LARP1: variants seen among roughly 807,000 people sequenced by gnomAD.
LARP1 encodes the protein La ribonucleoprotein 1, translational regulator, also known as la-related protein 1.
Under a neutral mutation model 122.7 loss-of-function variants are expected in LARP1, and 36 were observed. That is an observed-to-expected ratio of 0.29 (90% confidence interval 0.22 to 0.39). LARP1 has a LOEUF of 0.39. Among genes scored for constraint, LARP1 ranks in the 10% least tolerant of loss-of-function variants. The probability of loss-of-function intolerance (pLI) is 1.00; values close to 1 mark genes in which losing one functional copy is unlikely to be tolerated. For missense variants in LARP1, 1,040 were observed against 1,403.6 expected (o/e 0.74, Z 4.14); for synonymous variants, 539 against 528.7 (o/e 1.02, Z -0.27).
upstream of LARP1, among the ~76,000 whole-genome samples, chr5:154,753,788 C>A (rs1227775241): frequency 6.6e-6 from 1 of 152,178 alleles, no homozygotes; most frequent in Non-Finnish European, 1.5e-5. Flanking sequence ...CCTGGCTATC[C>A]CTACCAGTAC....
rs771159210 is a variant in LARP1 at position 154,802,330 on chromosome 5, T to C, written c.2040T>C (p.Asn680=). ...KMSAELAKVI[N]DGLFYYEQDL... is the part of the protein sequence containing the mutation. ...GCGCCGAACTGGCCAAGGTCATTAA[T>C]GATGGCCTCTTCTACTATGAGCAGG... Residue 680 remains asparagine (N), a synonymous_variant, in exon 11 of 19, where the codon AAT becomes AAC. Transcript: ENST00000518297. This position sits in a 1 kb window ranked among gnomAD's most constrained non-coding sequence, Gnocchi z 5.1. 6.2e-7 allele frequency: 1 copy of C among 1,614,134 alleles called. No individual in the cohort carries two copies. The highest frequency in any genetic ancestry group is 1.1e-5 in the South Asian group (1 of 91,070).
upstream of LARP1, among the ~76,000 whole-genome samples, chr5:154,708,553 G>A (rs1208193324): frequency 6.6e-6 from 1 of 152,192 alleles, no homozygotes; most frequent in Non-Finnish European, 1.5e-5. Context: ...ACAGATGTGA[G>A]TTAAGGGCAT....
chr5:154,758,596 T>G (rs1484056632), intron 1 of LARP1, among the ~76,000 whole-genome samples: 3 of 152,188 alleles, frequency 2.0e-5, no homozygotes, highest in Admixed American at 6.5e-5. Flanking sequence ...CTGGTTTTAT[T>G]TACAGCTTCG....
intron 8 of LARP1, among the ~76,000 whole-genome samples, chr5:154,795,920 ATTTATATT>A (rs1258684395): frequency 2.9e-5 from 3 of 104,670 alleles, no homozygotes; most frequent in Non-Finnish European, 3.7e-5. Context: ...TTTATTATAT[ATTTATATT>A]TATATATTAT....
chr5:154,779,668 C>A (rs1199481153), intron 1 of LARP1, among the ~76,000 whole-genome samples: 1 of 152,126 alleles, frequency 6.6e-6, no homozygotes, highest in Non-Finnish European at 1.5e-5. Context: ...GCCACCACAC[C>A]TGGCTAATTT....
In LARP1 at chr5:154,779,697, G is replaced by A. The variant is rs556135331; in HGVS notation, c.437-10628G>A. 3.3e-5 allele frequency among the ~76,000 whole-genome samples: 5 copies of A among 152,012 alleles called. No homozygotes were observed. In the East Asian group the frequency reaches 9.7e-4, roughly 29 times the overall value. ...CTAATTTTGTATTTTTAGTAGAGAC[G>A]GGGTTTCTCCATGTTGGTCAGTCTG... On this transcript the variant is annotated intron_variant, in intron 1 of 18. Transcript: ENST00000518297.
intron 1 of LARP1, among the ~76,000 whole-genome samples, chr5:154,740,342 G>T (rs1160824353): frequency 4.3e-5 from 6 of 138,610 alleles, no homozygotes; most frequent in African/African-American, 1.6e-4. Flanking sequence ...GCGATGAGCC[G>T]AAATCGTGCC....
intron 14 of LARP1, 158 bp from the exon 15 acceptor site, chr5:154,805,723 C>A: frequency 1.4e-6 from 1 of 712,320 alleles, no homozygotes; most frequent in Non-Finnish European, 2.4e-6. Flanking sequence ...GTTAATCAGA[C>A]CCATGGATAT....
chr5:154,793,589 TC>T lies in LARP1; in HGVS notation c.740-3del, dbSNP rs749659312. 9.3e-6 allele frequency: 15 copies of T among 1,613,924 alleles called. No homozygotes were observed. Among genetic ancestry groups the T allele is most frequent in the Non-Finnish European group, 1.3e-5 (15 of 1,180,012 alleles). ...GCCTTTCTCATGTACCCATGCTGTCTCCCAGGAAACAAACACAAGTGGGTTC... is the reference window on the plus strand; with the variant it reads ...GCCTTTCTCATGTACCCATGCTGTCTCCAGGAAACAAACACAAGTGGGTTC... On this transcript the variant is annotated splice_polypyrimidine_tract_variant and splice_region_variant and intron_variant, in intron 4 of 18. Transcript: ENST00000518297.
At chr5:154,737,077 A>G (rs1259135750) in intron 1 of LARP1, among the ~76,000 whole-genome samples, 3 of 151,816 alleles carry the variant, frequency 2.0e-5, no homozygotes, top group Admixed American at 6.6e-5. Context: ...GTCTCCCTCT[A>G]TCACCCAGGC....
chr5:154,777,084 A>G (rs988685565), intron 1 of LARP1, among the ~76,000 whole-genome samples: 5 of 152,236 alleles, frequency 3.3e-5, no homozygotes, highest in African/African-American at 9.6e-5. Context: ...ACAACGTACT[A>G]TGGACTTAGG....
chr5:154,760,510 G>T (rs1405366692), intron 1 of LARP1, among the ~76,000 whole-genome samples: 1 of 152,162 alleles, frequency 6.6e-6, no homozygotes, highest in African/African-American at 2.4e-5. Context: ...AACTCTTCTG[G>T]CTTCAGGAGC....
chr5:154,808,373 C>CA (rs1165696592), intron 15 of LARP1, 86 bp from the exon 16 acceptor site: 2 of 1,504,260 alleles, frequency 1.3e-6, no homozygotes, highest in Non-Finnish European at 1.8e-6. Context: ...GAGAAAGGAC[C>CA]AAGTCTTAAG....
intron 1 of LARP1, among the ~76,000 whole-genome samples, chr5:154,747,885 C>A (rs1753285694): frequency 6.6e-6 from 1 of 152,102 alleles, no homozygotes; most frequent in Non-Finnish European, 1.5e-5. Context: ...GACACAGTGT[C>A]TCCCTTTGTC....
At position 154,803,739 on chromosome 5, in the gene LARP1, T is replaced by C; in HGVS notation, c.2433T>C (p.Asp811=). The C allele has an allele frequency of 6.2e-7, 1 of 1,614,204 alleles. No individual in the cohort carries two copies. The highest frequency in any genetic ancestry group is 1.1e-5 in the South Asian group (1 of 91,092). Residue 811 remains aspartate (D), a synonymous_variant, in exon 13 of 19, where the codon GAT becomes GAC. Coordinates refer to ENST00000518297, the MANE Select transcript of LARP1 (RefSeq NM_033551.3). The surrounding 1 kb of genome is among the most constrained non-coding windows in gnomAD (Gnocchi z 4.4). ...YPVVKEGRTL[D]AKMPRKRKTR... Reference sequence around the variant, plus strand: ...TGGTGAAAGAAGGACGGACACTGGATGCCAAGGTGAGGCATTCCTGTCGGG... The same window carrying C: ...TGGTGAAAGAAGGACGGACACTGGACGCCAAGGTGAGGCATTCCTGTCGGG...
At chr5:154,699,904 C>G (rs78925775) in intron 1 of LARP1, among the ~76,000 whole-genome samples, 1 of 152,134 alleles carries the variant, frequency 6.6e-6, no homozygotes, top group East Asian at 1.9e-4. Flanking sequence ...AACTGAGGCC[C>G]GGAGAGGAAA....
chr5:154,704,955 T>C (rs897079445), intron 1 of LARP1, among the ~76,000 whole-genome samples: 4 of 151,534 alleles, frequency 2.6e-5, no homozygotes, highest in Non-Finnish European at 4.4e-5. Context: ...CTGTCTCTAC[T>C]AAAAATACAA....
intron 1 of LARP1, among the ~76,000 whole-genome samples, chr5:154,697,803 G>A (rs367935898): frequency 6.6e-6 from 1 of 152,028 alleles, no homozygotes; most frequent in African/African-American, 2.4e-5. Context: ...GCTAAAAGGC[G>A]CAAGGATTTG....
upstream of LARP1, among the ~76,000 whole-genome samples, chr5:154,754,177 T>A (rs1312535763): frequency 2.0e-5 from 3 of 152,238 alleles, no homozygotes; most frequent in Non-Finnish European, 4.4e-5. Context: ...ATTGTCTTCA[T>A]AGATACTAGA....
Sources: gnomAD v4.1 joint callset for allele counts (sites outside exome capture counted in the v4.1 genomes callset) on GRCh38, gnomAD v4.1.1 for gene constraint, Gnocchi (gnomAD v3.1) non-coding constraint, MANE v1.5 for transcripts, NCBI Gene and HGNC (gene_info 2026-07-23, HGNC 2026-07-21) for gene names.